Variants in ART4 observed in about 807,000 individuals in gnomAD.
ART4 encodes ecto-ADP-ribosyltransferase 4.
A neutral mutation model predicts 24.2 loss-of-function variants in ART4; 14 were observed. That is an observed-to-expected ratio of 0.58 (90% CI 0.38 to 0.90). The LOEUF is 0.90. ART4 is among the 40% of genes least tolerant of loss of function. The pLI is 0.00. For missense variants in ART4, 356 were observed against 366.6 expected, an observed-to-expected ratio of 0.97 and a Z score of 0.24; for synonymous variants, 145 against 139.9, an observed-to-expected ratio of 1.04 and a Z score of -0.26.
chr12:14,840,796 G>A lies in ART4; in HGVS notation c.502C>T (p.Gln168Ter). ...YLHYYLTSAI[Q>*]LLRKDSIMEN... ...ATGATGCTGTCTTTCCTCAGCAGCT[G>A]GATTGCTGAGGTGAGGTAGTAGTGT... The change falls in exon 2 of 3, where the codon CAG (glutamine) becomes TAG (stop). Residue 168 changes from glutamine (Q) to a stop codon, truncating the protein, a stop_gained. Coordinates refer to ENST00000228936, the MANE Select transcript of ART4 (RefSeq NM_021071.4). LOFTEE classifies it high-confidence loss of function. 6.2e-7 allele frequency: 1 copy of A among 1,614,146 alleles called. No individual in the cohort carries two copies. The highest frequency in any genetic ancestry group is 8.5e-7 in the Non-Finnish European group (1 of 1,179,998).
chr12:14,836,295 A>G (rs778811516), intron 2 of ART4, among the ~76,000 whole-genome samples: 2 of 152,100 alleles, frequency 1.3e-5, no homozygotes, highest in African/African-American at 2.4e-5. Context: ...TGAATCTCCA[A>G]GATCACTATT....
At chr12:14,833,700 T>C (rs1373179855) in intron 2 of ART4, among the ~76,000 whole-genome samples, 1 of 152,196 alleles carries the variant, frequency 6.6e-6, no homozygotes, top group Non-Finnish European at 1.5e-5. Context: ...TTTTATTTCA[T>C]GAAGTCTGAA....
In ART4 at chr12:14,828,180, C is replaced by T. The variant is rs908290242; in HGVS notation, c.*1191G>A. On this transcript the variant is annotated 3_prime_UTR_variant, in exon 3 of 3. Coordinates refer to ENST00000228936, the MANE Select transcript of ART4 (RefSeq NM_021071.4). ...CTAGTTTACATGTAATGAGACCTCG[C>T]TATATTGCTGATATTTGTTTGTAAT... The T allele has an allele frequency of 6.6e-6, 1 of 152,144 alleles. No individual in the cohort carries two copies. Among genetic ancestry groups the T allele is most frequent in the African/African-American group, 2.4e-5 (1 of 41,436 alleles). 9.4% of individuals were successfully genotyped at this position (152,144 alleles called of 1,614,324 possible). A position where few individuals can be genotyped will look rare whatever the true frequency, so the allele number is the denominator to read the frequency against.
intron 2 of ART4, among the ~76,000 whole-genome samples, chr12:14,834,056 G>T (rs1437902959): frequency 6.6e-6 from 1 of 152,192 alleles, no homozygotes; most frequent in African/African-American, 2.4e-5. Flanking sequence ...AGACACCAAT[G>T]CTATCACAAC....
chr12:14,830,817 A>G (rs1289750574), intron 2 of ART4, among the ~76,000 whole-genome samples: 1 of 150,948 alleles, frequency 6.6e-6, no homozygotes, highest in African/African-American at 2.4e-5. Flanking sequence ...AGGAAAATTA[A>G]GAGCATATGT....
At position 14,829,282 on chromosome 12, in the gene ART4, G is replaced by C. The variant is rs1950377689; in HGVS notation, c.*89C>G. 7 of 914,068 alleles carry C rather than the reference G, an allele frequency of 7.7e-6. No individual in the cohort carries two copies. Among genetic ancestry groups the C allele is most frequent in the Non-Finnish European group, 6.3e-6 (4 of 629,952 alleles). The allele number at this position is 914,068 out of a possible 1,614,324, so 56.6% of individuals were successfully genotyped here. Reference sequence around the variant, plus strand: ...AAGTATGATGGGATCATCCTTCCTGGAAAATAAATGTCCATTTCTAGCCAA... The same window carrying C: ...AAGTATGATGGGATCATCCTTCCTGCAAAATAAATGTCCATTTCTAGCCAA... On this transcript the variant is annotated 3_prime_UTR_variant, in exon 3 of 3. Coordinates refer to ENST00000228936, the MANE Select transcript of ART4 (RefSeq NM_021071.4).
intron 2 of ART4, among the ~76,000 whole-genome samples, chr12:14,832,265 A>G (rs1340608901): frequency 6.6e-6 from 1 of 152,118 alleles, no homozygotes; most frequent in Admixed American, 6.5e-5. Context: ...TTTTTCTCTC[A>G]TTCCCGTACA....
rs1950359403 is a variant in ART4, at chr12:14,826,296, T to C, written c.*3075A>G. On this transcript the variant is annotated 3_prime_UTR_variant, in exon 3 of 3. Coordinates refer to ENST00000228936, the MANE Select transcript of ART4 (RefSeq NM_021071.4). ...TACATAATTTTAAGAGAATAGTTTC[T>C]GTCTCCAGAGATTTGATCTGTAAAA... The C allele has an allele frequency of 6.6e-6, 1 of 152,254 alleles. No homozygotes were observed. The allele number at this position is 152,254 out of a possible 1,614,324, so 9.4% of individuals were successfully genotyped here.
At chr12:14,838,557 A>G (rs150758627) in intron 2 of ART4, among the ~76,000 whole-genome samples, 2 of 152,164 alleles carry the variant, frequency 1.3e-5, no homozygotes, top group East Asian at 3.9e-4. Context: ...TCCTCTACAA[A>G]CACTAATCTC....
In ART4 at chr12:14,828,251, C is replaced by A. The variant is rs527672267; in HGVS notation, c.*1120G>T. The A allele has an allele frequency of 6.6e-6, 1 of 152,262 alleles. No individual in the cohort carries two copies. Among genetic ancestry groups the A allele is most frequent in the African/African-American group, 2.4e-5 (1 of 41,540 alleles). 9.4% of individuals were successfully genotyped at this position (152,262 alleles called of 1,614,324 possible). ...CTCTCTGTTAACCTTCACACATACC[C>A]TCATGTTTTCCTAATATTTAAATTT... On this transcript the variant is annotated 3_prime_UTR_variant, in exon 3 of 3. Transcript: ENST00000228936.
chr12:14,830,119 AGTGTGTGTGTGT>A (rs113436435), intron 2 of ART4, among the ~76,000 whole-genome samples: 60 of 145,696 alleles, frequency 4.1e-4, no homozygotes, highest in African/African-American at 1.2e-3. Flanking sequence ...TCCTGTTTGG[AGTGTGTGTGTGT>A]GTGTGTGTGT....
rs1042431924 is a variant in ART4, at chr12:14,828,407, C to G, written c.*964G>C. The G allele has an allele frequency of 6.6e-6, 1 of 152,156 alleles. No individual in the cohort carries two copies. The highest frequency in any genetic ancestry group is 2.4e-5 in the African/African-American group (1 of 41,426). The allele number at this position is 152,156 out of a possible 1,614,324, so 9.4% of individuals were successfully genotyped here. ...CTGGTGAATGAAATTTCACTAACAT[C>G]TTTCATTAACTTTCCCTTTTATTTC... On this transcript the variant is annotated 3_prime_UTR_variant, in exon 3 of 3. Transcript: ENST00000228936.
At chr12:14,838,599 C>T (rs912653851) in intron 2 of ART4, among the ~76,000 whole-genome samples, 3 of 152,274 alleles carry the variant, frequency 2.0e-5, no homozygotes, top group Non-Finnish European at 2.9e-5. Context: ...TCATTTCACT[C>T]GTTTTGCTGC....
chr12:14,838,170 CA>C (rs1212400920), intron 2 of ART4, among the ~76,000 whole-genome samples: 3 of 152,116 alleles, frequency 2.0e-5, no homozygotes, highest in Non-Finnish European at 4.4e-5. Flanking sequence ...AACCTTAACT[CA>C]AAACTAAGTT....
intron 1 of ART4, among the ~76,000 whole-genome samples, chr12:14,842,452 C>T (rs1023921984): frequency 1.3e-5 from 2 of 152,134 alleles, no homozygotes; most frequent in Non-Finnish European, 2.9e-5. Context: ...AATAGGTCTA[C>T]GGTATCTATT....
intron 2 of ART4, among the ~76,000 whole-genome samples, chr12:14,832,523 C>T (rs557233420): frequency 1.2e-3 from 187 of 152,240 alleles, no homozygotes; most frequent in African/African-American, 4.2e-3. Context: ...CTACTAACTA[C>T]GACATAATTT....
At chr12:14,841,180 T>C (rs758495352) in intron 1 of ART4, 27 bp from the exon 2 acceptor site, 50 of 1,550,408 alleles carry the variant, frequency 3.2e-5, no homozygotes, top group Non-Finnish European at 4.2e-5. Flanking sequence ...ATCTTGAGTT[T>C]AATTTTTCAA....
intron 2 of ART4, among the ~76,000 whole-genome samples, chr12:14,836,400 C>G (rs1036860235): frequency 6.6e-6 from 1 of 151,996 alleles, no homozygotes; most frequent in Non-Finnish European, 1.5e-5. Flanking sequence ...GAGAGGGCTA[C>G]TAAGTGACTC....
rs1284659216 is a variant in ART4, at chr12:14,827,020, CT to C, written c.*2350del. 1 of 150,472 alleles carries C rather than the reference CT, an allele frequency of 6.6e-6. No individual in the cohort carries two copies. Among genetic ancestry groups the C allele is most frequent in the East Asian group, 1.9e-4 (1 of 5,142 alleles). The allele number at this position is 150,472 out of a possible 1,614,324, so 9.3% of individuals were successfully genotyped here. On this transcript the variant is annotated 3_prime_UTR_variant, in exon 3 of 3. Transcript: ENST00000228936. ...CTTGCCTCAGTTGGAAGAAATCTTT[CT>C]TTTGAATTGTTATGAACAGAAAACT...
Sources: allele counts gnomAD v4.1 joint callset (sites outside exome capture counted in the v4.1 genomes callset), GRCh38; gene constraint gnomAD v4.1.1; transcripts MANE v1.5; gene names NCBI Gene and HGNC (gene_info 2026-07-23, HGNC 2026-07-21).